The following CNTNAP5 variants were observed in gnomAD, a reference collection of about 807,000 sequenced individuals.
CNTNAP5 encodes the protein contactin-associated protein-like 5.
Under a neutral mutation model 150.2 loss-of-function variants are expected in CNTNAP5, and 72 were observed. The observed-to-expected ratio is 0.48, with a 90% CI of 0.40 to 0.58. The LOEUF (loss-of-function observed/expected upper bound fraction) is 0.58. CNTNAP5 is among the 20% of genes least tolerant of loss of function. CNTNAP5 has a pLI of 0.00. For synonymous variants in CNTNAP5, 672 were observed against 619.8 expected, an observed-to-expected ratio of 1.08 and a Z score of -1.25; for missense variants, 1,636 against 1,626.2, an observed-to-expected ratio of 1.01 and a Z score of -0.10.
intron 17 of CNTNAP5, among the ~76,000 whole-genome samples, chr2:124,781,718 C>T (rs752147032): frequency 1.1e-4 from 16 of 152,296 alleles, no homozygotes; most frequent in Middle Eastern, 3.4e-3. Context: ...GACTCGGGTT[C>T]GTCTTAAAAT....
At position 124,817,795 on chromosome 2, in the gene CNTNAP5, T is replaced by G. The variant is rs1433612324; in HGVS notation, c.3217+19475T>G. 2.6e-5 allele frequency among the ~76,000 whole-genome samples: 4 copies of G among 152,338 alleles called. No homozygotes were observed. The East Asian group carries it at 7.7e-4, about 29-fold the overall frequency. On this transcript the variant is annotated intron_variant, in intron 19 of 23. Coordinates refer to ENST00000682447, the MANE Select transcript of CNTNAP5 (RefSeq NM_001367498.1). Reference sequence around the variant, plus strand: ...ACTCTACTAATTTGGCAACACCTTCTGACTAGGCACCTATGTTATAACCAG... The same window carrying G: ...ACTCTACTAATTTGGCAACACCTTCGGACTAGGCACCTATGTTATAACCAG...
At chr2:124,365,230 C>T (rs909873501) in intron 3 of CNTNAP5, among the ~76,000 whole-genome samples, 67 of 151,478 alleles carry the variant, frequency 4.4e-4, no homozygotes, top group African/African-American at 1.4e-3. Flanking sequence ...ATGGGAGGTC[C>T]GCTTGAGCCT....
At chr2:124,645,545 G>A (rs1678185840) in intron 12 of CNTNAP5, among the ~76,000 whole-genome samples, 1 of 146,342 alleles carries the variant, frequency 6.8e-6, no homozygotes, top group Non-Finnish European at 1.5e-5. Context: ...TCCAGCCTGG[G>A]CAACATAGCA....
rs112969688 is a variant in CNTNAP5 at position 124,695,639 on chromosome 2, A to G, written c.2077+47681A>G. On this transcript the variant is annotated intron_variant, in intron 13 of 23. Coordinates refer to ENST00000682447, the MANE Select transcript of CNTNAP5 (RefSeq NM_001367498.1). ...CAAACTTAAGTGGGATGCAAAGGGT[A>G]TGTTAACATATCTCAAGAAAGTCTG... Among the ~76,000 whole-genome samples the G allele has an allele frequency of 1.4e-4, 21 of 152,298 alleles. 1 individual carries two copies. The highest frequency in any genetic ancestry group is 4.8e-4 in the African/African-American group (20 of 41,576).
At chr2:124,726,643 A>G (rs1680162956) in intron 13 of CNTNAP5, among the ~76,000 whole-genome samples, 1 of 151,764 alleles carries the variant, frequency 6.6e-6, no homozygotes, top group African/African-American at 2.4e-5. Context: ...GTCTTCTTCA[A>G]AAAAAAGTCT....
chr2:124,763,724 A>G lies in CNTNAP5; in HGVS notation c.2287A>G (p.Ile763Val), dbSNP rs1681007153. 16 of 1,612,904 alleles carry G rather than the reference A, an allele frequency of 9.9e-6. No individual in the cohort carries two copies. Among genetic ancestry groups the G allele is most frequent in the Non-Finnish European group, 1.3e-5 (15 of 1,179,386 alleles). The change falls in exon 15 of 24, where the codon ATA (isoleucine) becomes GTA (valine). Residue 763 changes from isoleucine (I) to valine (V), a missense_variant. Transcript: ENST00000682447. ...CAAAGACCACTTGCCTGTCACTCAG[A>G]TAGTTATCACTGATACCGACAGATC... ...SFKDHLPVTQ[I>V]VITDTDRSNS...
chr2:124,652,292 G>C (rs889259940), intron 13 of CNTNAP5, among the ~76,000 whole-genome samples: 1 of 152,122 alleles, frequency 6.6e-6, no homozygotes. Context: ...TTTCTGCAGG[G>C]CTGGAGGCCC....
intron 2 of CNTNAP5, among the ~76,000 whole-genome samples, chr2:124,225,605 A>G (rs755453560): frequency 5.3e-5 from 8 of 152,192 alleles, no homozygotes; most frequent in Non-Finnish European, 8.8e-5. Context: ...CCATCACCTC[A>G]TGTAGTTATC....
chr2:124,864,924 G>A (rs1330516424), intron 19 of CNTNAP5, among the ~76,000 whole-genome samples: 1 of 152,152 alleles, frequency 6.6e-6, no homozygotes, highest in African/African-American at 2.4e-5. Flanking sequence ...ATAAAAGGGA[G>A]ACAGCAATTA....
intron 13 of CNTNAP5, among the ~76,000 whole-genome samples, chr2:124,740,604 C>T (rs928148087): frequency 1.3e-5 from 2 of 152,100 alleles, no homozygotes; most frequent in African/African-American, 4.8e-5. Context: ...GAAATTAGAG[C>T]CATCATTGAT....
chr2:124,061,361 A>G (rs1213939), intron 1 of CNTNAP5, among the ~76,000 whole-genome samples: 5 of 152,170 alleles, frequency 3.3e-5, no homozygotes, highest in Admixed American at 1.3e-4. Context: ...GTAATCCTCT[A>G]AATTTATATT....
chr2:124,799,438 T>TA (rs1681918965), intron 19 of CNTNAP5, among the ~76,000 whole-genome samples: 3 of 152,176 alleles, frequency 2.0e-5, no homozygotes, highest in African/African-American at 7.2e-5. Flanking sequence ...CAGTATGATA[T>TA]AAAAAACACT....
chr2:124,914,247 CA>C lies in CNTNAP5; in HGVS notation c.3887del (p.Asn1296ThrfsTer3). 3 of 1,612,366 alleles carry C rather than the reference CA, an allele frequency of 1.9e-6. No individual in the cohort carries two copies. Among genetic ancestry groups the C allele is most frequent in the Non-Finnish European group, 2.5e-6 (3 of 1,178,916 alleles). ...TTCCTTCAGAAATGAAATTGACTTG[CA>C]AAACACAGTGAGCGAGTGTAAACGG... ...DSSFRNEIDLQNTVSECKREY... is the reference protein window; with the variant it reads ...DSSFRNEIDLXNTVSECKREY... On this transcript the variant is annotated frameshift_variant, in exon 24 of 24. Transcript: ENST00000682447. LOFTEE classifies it high-confidence loss of function.
At chr2:124,219,399 C>G (rs1005564092) in intron 1 of CNTNAP5, among the ~76,000 whole-genome samples, 40 of 152,022 alleles carry the variant, frequency 2.6e-4, no homozygotes, top group Non-Finnish European at 3.2e-4. Flanking sequence ...TATACAATAG[C>G]TATAATACTT....
At chr2:124,451,872 C>T (rs1015315041) in intron 6 of CNTNAP5, among the ~76,000 whole-genome samples, 3 of 152,018 alleles carry the variant, frequency 2.0e-5, no homozygotes, top group African/African-American at 7.3e-5. Flanking sequence ...GCAAAATACC[C>T]AAATGAGGAA....
chr2:124,431,510 T>G (rs921207674), intron 4 of CNTNAP5, among the ~76,000 whole-genome samples: 3 of 145,314 alleles, frequency 2.1e-5, no homozygotes, highest in South Asian at 2.1e-4. Flanking sequence ...GTGTCAAAGA[T>G]ATATATATAT....
At chr2:124,220,702 A>G (rs141603130) in intron 1 of CNTNAP5, among the ~76,000 whole-genome samples, 100 of 152,232 alleles carry the variant, frequency 6.6e-4, no homozygotes, top group African/African-American at 2.2e-3. Context: ...GCATCATCAT[A>G]TGGCAGAAGA....
intron 8 of CNTNAP5, among the ~76,000 whole-genome samples, chr2:124,504,772 T>C (rs1274235627): frequency 1.3e-5 from 2 of 148,494 alleles, no homozygotes; most frequent in Non-Finnish European, 3.0e-5. Flanking sequence ...AGTGGCTCGA[T>C]CTCAGCTCAC....
intron 3 of CNTNAP5, among the ~76,000 whole-genome samples, chr2:124,386,348 C>T (rs575348821): frequency 6.6e-6 from 1 of 152,314 alleles, no homozygotes; most frequent in Admixed American, 6.5e-5. Flanking sequence ...ATCACAGACT[C>T]TACATTATAA....
Sources: gnomAD v4.1 joint callset for allele counts (sites outside exome capture counted in the v4.1 genomes callset) on GRCh38, gnomAD v4.1.1 for gene constraint, MANE v1.5 for transcripts, NCBI Gene and HGNC (gene_info 2026-07-23, HGNC 2026-07-21) for gene names.